ABCA9: variants seen among roughly 807,000 people sequenced by gnomAD.
ABCA9 encodes ATP binding cassette subfamily A member 9, also known as ATP-binding cassette sub-family A member 9.
In ABCA9, 183 loss-of-function variants were observed where a neutral mutation model predicts 205.3. That is an observed-to-expected ratio of 0.89 (90% CI 0.79 to 1.01). The LOEUF is 1.01. Ranked by LOEUF, ABCA9 falls within the 50% of genes least tolerant of loss-of-function variation. The pLI, the probability that ABCA9 is intolerant of heterozygous loss-of-function variation, is 0.00. For synonymous variants in ABCA9, 651 were observed against 683.3 expected (o/e 0.95, Z 0.74); for missense variants, 1,805 against 1,912.4 (o/e 0.94, Z 1.05).
chr17:69,055,945 T>C (rs1446430518), intron 1 of ABCA9, among the ~76,000 whole-genome samples: 1 of 152,010 alleles, frequency 6.6e-6, no homozygotes, highest in African/African-American at 2.4e-5. Context: ...TAATGACAAA[T>C]TAAAACTTAT....
At chr17:68,980,865 GTAAC>G in intron 37 of ABCA9, among the ~76,000 whole-genome samples, 1 of 151,448 alleles carries the variant, frequency 6.6e-6, no homozygotes, top group South Asian at 2.1e-4. Context: ...ATATACATAT[GTAAC>G]TAACCTGCAC....
chr17:69,076,726 G>A, the ABCA9 span, among the ~76,000 whole-genome samples: 1 of 151,998 alleles, frequency 6.6e-6, no homozygotes, highest in Admixed American at 6.6e-5. Flanking sequence ...ATTTCTTCCT[G>A]GTTGGATCTT....
chr17:69,017,775 TATC>T lies in ABCA9; in HGVS notation c.2779_2781del (p.Asp927del). The T allele has an allele frequency of 6.2e-7, 1 of 1,613,120 alleles. No individual in the cohort carries two copies. The highest frequency in any genetic ancestry group is 8.5e-7 in the Non-Finnish European group (1 of 1,179,312). On this transcript the variant is annotated inframe_deletion, in exon 21 of 39. Coordinates refer to ENST00000340001, the MANE Select transcript of ABCA9 (RefSeq NM_080283.4). ...TGTCGCCTCAGTGAATGTAAAAAGT[TATC>T]AATGGTTGACCCTACATGAAGGCAA...
At chr17:69,005,047 C>G (rs962273336) in intron 25 of ABCA9, among the ~76,000 whole-genome samples, 41 of 152,122 alleles carry the variant, frequency 2.7e-4, no homozygotes, top group East Asian at 1.6e-3. Flanking sequence ...GATGAACCCG[C>G]TACCTCAGAT....
At chr17:69,002,386 C>T (rs1447276666) in intron 25 of ABCA9, among the ~76,000 whole-genome samples, 2 of 120,714 alleles carry the variant, frequency 1.7e-5, no homozygotes, top group African/African-American at 6.7e-5. Flanking sequence ...ACCCAGTAGT[C>T]ATTCAGGAGC....
At chr17:69,073,810 C>T in the ABCA9 span, among the ~76,000 whole-genome samples, 1 of 152,130 alleles carries the variant, frequency 6.6e-6, no homozygotes, top group African/African-American at 2.4e-5. Flanking sequence ...TGTCCTCCCA[C>T]CTCAGCCTCC....
intron 22 of ABCA9, among the ~76,000 whole-genome samples, chr17:69,015,291 C>T (rs2070545812): frequency 6.6e-6 from 1 of 152,124 alleles, no homozygotes; most frequent in African/African-American, 2.4e-5. Flanking sequence ...TGGGACTGCA[C>T]TAGAATGATC....
chr17:69,049,548 TC>T, intron 2 of ABCA9, 58 bp from the exon 3 acceptor site: 1 of 1,373,668 alleles, frequency 7.3e-7, no homozygotes, highest in Non-Finnish European at 1.0e-6. Context: ...CACAGATCAA[TC>T]ATCCACAAAC....
chr17:69,003,523 C>T (rs376644882), intron 25 of ABCA9, among the ~76,000 whole-genome samples: 18 of 134,980 alleles, frequency 1.3e-4, no homozygotes, highest in East Asian at 4.0e-4. Flanking sequence ...GAGGGTAACC[C>T]GACCTTTCTC....
At position 68,977,555 on chromosome 17, in the gene ABCA9, C is replaced by T. The variant is rs149514588; in HGVS notation, c.4721-1365G>A. Reference sequence around the variant, plus strand: ...CTTCTAAGCTATAGGTCTTCAAATTCGAAGCAAGTCTGACCAAGAAGGGGC... The same window carrying T: ...CTTCTAAGCTATAGGTCTTCAAATTTGAAGCAAGTCTGACCAAGAAGGGGC... On this transcript the variant is annotated intron_variant, in intron 37 of 38. Transcript: ENST00000340001. Among the ~76,000 whole-genome samples the T allele has an allele frequency of 6.0e-3, 917 of 152,234 alleles. 13 individuals carry two copies. The highest frequency in any genetic ancestry group is 0.02 in the African/African-American group (834 of 41,540).
At chr17:69,035,877 T>C (rs2071320816) in intron 6 of ABCA9, 76 bp from the exon 7 acceptor site, 1 of 1,500,042 alleles carries the variant, frequency 6.7e-7, no homozygotes, top group South Asian at 1.4e-5. Context: ...CAGCAAATGA[T>C]TTGTGAAGCT....
intron 16 of ABCA9, among the ~76,000 whole-genome samples, chr17:69,025,016 A>C (rs2070934726): frequency 6.6e-6 from 1 of 152,180 alleles, no homozygotes; most frequent in South Asian, 2.1e-4. Flanking sequence ...ACAAACCTAA[A>C]AAATCAGTTT....
At chr17:68,999,415 TG>T (rs2069758446) in intron 25 of ABCA9, among the ~76,000 whole-genome samples, 1 of 143,288 alleles carries the variant, frequency 7.0e-6, no homozygotes. Flanking sequence ...CTGAGAATGA[TG>T]GTTTCCAATT....
At chr17:69,006,182 C>T (rs1372038021) in intron 25 of ABCA9, among the ~76,000 whole-genome samples, 1 of 152,178 alleles carries the variant, frequency 6.6e-6, no homozygotes, top group Non-Finnish European at 1.5e-5. Context: ...CTGGAATTCT[C>T]ATACTCTGTG....
Position 69,035,764 on chromosome 17 carries a change from T to A in ABCA9, c.838A>T (p.Ile280Phe), listed in dbSNP as rs1317598842. The change falls in exon 7 of 39, where the codon ATC becomes TTC. Residue 280 changes from isoleucine to phenylalanine, a missense_variant. Ile to Phe is a conservative substitution (Grantham distance 21). Transcript: ENST00000340001. ...ATAAGAGCCATTAAAGTGGCCATGA[T>A]AAGGATGAAGCCAGCATACATCAAA... Reference protein sequence around the residue: ...WGLMYAGFILIMATLMALIVK... With the variant: ...WGLMYAGFILFMATLMALIVK... The A allele has an allele frequency of 6.2e-7, 1 of 1,613,576 alleles. No individual in the cohort carries two copies. Among genetic ancestry groups the A allele is most frequent in the African/African-American group, 1.3e-5 (1 of 74,904 alleles).
intron 37 of ABCA9, among the ~76,000 whole-genome samples, chr17:68,980,177 T>A (rs2069003704): frequency 6.6e-6 from 1 of 151,942 alleles, no homozygotes; most frequent in Non-Finnish European, 1.5e-5. Flanking sequence ...AAAAGACACA[T>A]GAAAAAATGC....
rs185950252 is a variant in ABCA9 at position 68,995,941 on chromosome 17, A to G, written c.3509T>C (p.Leu1170Ser). Reference protein sequence around the residue: ...GFLGLFFGTMLIPPFTLIGSL... With the variant: ...GFLGLFFGTMSIPPFTLIGSL... The stretch of plus-strand genomic sequence containing the variant: ...GCCAATCAATGTGAAGGGAGGTATT[A>G]ACATGGTGCCAAAAAATAGCCCTAG... Residue 1170 changes from leucine to serine, a missense_variant, in exon 26 of 39, where the codon TTA (leucine) becomes TCA (serine). Transcript: ENST00000340001. 4.8e-5 allele frequency: 78 copies of G among 1,613,864 alleles called. No individual in the cohort carries two copies. The East Asian group carries it at 1.7e-3, about 36-fold the overall frequency.
intron 25 of ABCA9, among the ~76,000 whole-genome samples, chr17:69,005,182 T>C (rs1567934159): frequency 2.0e-5 from 3 of 152,336 alleles, no homozygotes; most frequent in South Asian, 4.1e-4. Context: ...AATATTTTGA[T>C]GTAGGGCCTT....
intron 6 of ABCA9, chr17:69,042,520 A>C (rs1283479964): frequency 1.3e-5 from 2 of 152,230 alleles, no homozygotes; most frequent in Non-Finnish European, 1.5e-5. Flanking sequence ...GTGTCATAAA[A>C]GTGATGACTC....
Sources: allele counts gnomAD v4.1 joint callset (sites outside exome capture counted in the v4.1 genomes callset), GRCh38; gene constraint gnomAD v4.1.1; transcripts MANE v1.5; gene names NCBI Gene and HGNC (gene_info 2026-07-23, HGNC 2026-07-21).